Variants in XPNPEP1 observed in about 807,000 individuals in gnomAD.
The protein encoded by XPNPEP1 is X-prolyl aminopeptidase 1.
A neutral mutation model predicts 92.4 loss-of-function variants in XPNPEP1; 39 were observed. The ratio of observed to expected loss-of-function variants is 0.42; its 90% confidence interval spans 0.33 to 0.55. The LOEUF (loss-of-function observed/expected upper bound fraction) is 0.55, where lower values mean the gene tolerates loss of function less well. Among genes scored for constraint, XPNPEP1 ranks in the 20% least tolerant of loss-of-function variants. XPNPEP1 has a pLI of 0.08. For missense variants in XPNPEP1, 654 were observed against 856.1 expected (o/e 0.76, Z 2.95); for synonymous variants, 307 against 299.4 (o/e 1.03, Z -0.26).
chr10:109,890,579 T>TGC (rs1848643535), intron 5 of XPNPEP1, among the ~76,000 whole-genome samples: 1 of 90,738 alleles, frequency 1.1e-5, no homozygotes, highest in African/African-American at 4.7e-5. Flanking sequence ...TGTGTGTGTG[T>TGC]GTGTGTGTGT....
chr10:109,887,491 G>A (rs761292689), intron 7 of XPNPEP1, among the ~76,000 whole-genome samples: 1 of 152,008 alleles, frequency 6.6e-6, no homozygotes, highest in Non-Finnish European at 1.5e-5. Flanking sequence ...ACAGCAAGAC[G>A]CCCTCCCCTG....
At chr10:109,892,769 T>G (rs1041734417) in intron 4 of XPNPEP1, among the ~76,000 whole-genome samples, 12 of 152,176 alleles carry the variant, frequency 7.9e-5, no homozygotes, top group African/African-American at 2.9e-4. Flanking sequence ...TCAAAAACTT[T>G]TTAAAAATAA....
At chr10:109,877,644 A>G (rs1316894084) in intron 14 of XPNPEP1, 146 bp downstream of exon 14, 1 of 1,016,238 alleles carries the variant, frequency 9.8e-7, no homozygotes, top group African/African-American at 1.6e-5. Flanking sequence ...ATAAAATCTT[A>G]GAAGTCTTAT....
chr10:109,890,672 T>A (rs150319439), intron 5 of XPNPEP1, among the ~76,000 whole-genome samples: 115 of 151,646 alleles, frequency 7.6e-4, no homozygotes, highest in African/African-American at 2.6e-3. Flanking sequence ...ATCTGTAGCT[T>A]TGGTGTTTTT....
In XPNPEP1 at chr10:109,882,447, G is replaced by A. The variant is rs562244210; in HGVS notation, c.1026C>T (p.Ser342=). ...GGTCACCAACCTTGGGGATGGTCTC[G>A]CTCACAGCATAGCTGGCCTTGTCAC... The part of the protein sequence containing the change: ...WVSDKASYAV[S]ETIPKDHRCC... Residue 342 remains serine (S), a synonymous_variant, in exon 10 of 21, where the codon AGC becomes AGT. Transcript: ENST00000502935. The A allele has an allele frequency of 2.2e-5, 36 of 1,613,256 alleles. No homozygotes were observed. Among genetic ancestry groups the A allele is most frequent in the South Asian group, 6.6e-5 (6 of 91,050 alleles).
intron 2 of XPNPEP1, among the ~76,000 whole-genome samples, chr10:109,911,102 T>C (rs1375038960): frequency 6.6e-6 from 1 of 152,234 alleles, no homozygotes; most frequent in Non-Finnish European, 1.5e-5. Context: ...CTAGAAAAAG[T>C]GCCCCACTTA....
At position 109,915,097 on chromosome 10, in the gene XPNPEP1, A is replaced by G. The variant is rs1335100935; in HGVS notation, c.35T>C (p.Val12Ala). ...TCTCAGTTGAAAATCCTGGTGATTC[A>G]CCCTTAAGGAGAGAAAGAACAGGAA... is the stretch of plus-strand genomic sequence containing the variant. ...AASRKPPRVR[V>A]NHQDFQLRNL... Residue 12 changes from valine (V) to alanine (A), a missense_variant and splice_region_variant, in exon 2 of 21, where the codon GTG (valine) becomes GCG (alanine). Physicochemically the swap from Val to Ala is moderately conservative, Grantham distance 64. Coordinates refer to ENST00000502935, the MANE Select transcript of XPNPEP1 (RefSeq NM_020383.4). 20 of 1,516,680 alleles carry G rather than the reference A, an allele frequency of 1.3e-5. No homozygotes were observed. Among genetic ancestry groups the G allele is most frequent in the Non-Finnish European group, 1.8e-5 (20 of 1,134,864 alleles). The allele number at this position is 1,516,680 out of a possible 1,614,324, so 94.0% of individuals were successfully genotyped here.
chr10:109,899,540 AC>A (rs1849169732), intron 3 of XPNPEP1, among the ~76,000 whole-genome samples: 1 of 152,264 alleles, frequency 6.6e-6, no homozygotes, highest in African/African-American at 2.4e-5. Flanking sequence ...ATGTGTTACC[AC>A]AGCTAGCATT....
At chr10:109,874,401 C>A (rs1027720646) in intron 15 of XPNPEP1, among the ~76,000 whole-genome samples, 3 of 152,178 alleles carry the variant, frequency 2.0e-5, no homozygotes, top group African/African-American at 7.2e-5. Flanking sequence ...CTAAAAATAT[C>A]CAAGTACATA....
intron 19 of XPNPEP1, 61 bp downstream of exon 19, chr10:109,869,892 G>A: frequency 1.3e-6 from 2 of 1,538,680 alleles, no homozygotes; most frequent in South Asian, 2.3e-5. Flanking sequence ...AGCCAATGAG[G>A]TCTATCCGAG....
intron 6 of XPNPEP1, 137 bp from the exon 7 acceptor site, chr10:109,888,329 T>C: frequency 7.5e-7 from 1 of 1,336,834 alleles, no homozygotes; most frequent in Non-Finnish European, 1.0e-6. Context: ...GATGAGGAAC[T>C]GTAAAAGCAC....
chr10:109,881,996 T>C (rs1848126226), intron 10 of XPNPEP1, among the ~76,000 whole-genome samples: 1 of 152,208 alleles, frequency 6.6e-6, no homozygotes, highest in South Asian at 2.1e-4. Flanking sequence ...CAAGCATTCT[T>C]ATACCACCTG....
At chr10:109,885,135 T>C (rs928680183) in intron 8 of XPNPEP1, among the ~76,000 whole-genome samples, 1 of 152,186 alleles carries the variant, frequency 6.6e-6, no homozygotes, top group Non-Finnish European at 1.5e-5. Flanking sequence ...CATGGATTCA[T>C]GAACCAAGAT....
intron 2 of XPNPEP1, 57 bp downstream of exon 2, chr10:109,914,954 G>A (rs1385994161): frequency 2.6e-6 from 3 of 1,156,650 alleles, no homozygotes; most frequent in Admixed American, 2.3e-5. Flanking sequence ...TGGGGTTGGG[G>A]TGGAGATCTA....
chr10:109,868,339 A>G (rs1236759096), intron 20 of XPNPEP1, among the ~76,000 whole-genome samples: 1 of 151,800 alleles, frequency 6.6e-6, no homozygotes, highest in Non-Finnish European at 1.5e-5. Flanking sequence ...CAGCCAAACA[A>G]TGGCATACGA....
chr10:109,882,017 AC>A (rs1278774022), intron 10 of XPNPEP1, among the ~76,000 whole-genome samples: 6 of 152,182 alleles, frequency 3.9e-5, no homozygotes, highest in Admixed American at 3.9e-4. Flanking sequence ...CACAGCTTTT[AC>A]CCTAGCTTCT....
In XPNPEP1 at chr10:109,923,344, G is replaced by T. The variant is rs1168780495; in HGVS notation, c.32+58C>A. 3 of 1,392,280 alleles carry T rather than the reference G, an allele frequency of 2.2e-6. No homozygotes were observed. In the East Asian group the frequency reaches 1.0e-4, roughly 47 times the overall value. 86.2% of individuals were successfully genotyped at this position (1,392,280 alleles called of 1,614,324 possible). ...TGCCCGCCGAGGTGCAACACGCGCG[G>T]CCGCGCAGCGAGGGCTGCACGCTGC... On this transcript the variant is annotated intron_variant, in intron 1 of 20. Coordinates refer to ENST00000502935, the MANE Select transcript of XPNPEP1 (RefSeq NM_020383.4).
chr10:109,887,932 C>A, intron 7 of XPNPEP1, 117 bp downstream of exon 7: 2 of 1,442,188 alleles, frequency 1.4e-6, no homozygotes, highest in African/African-American at 1.4e-5. Flanking sequence ...CAGAGTAGGG[C>A]AAAATCCTCC....
At chr10:109,866,919 CG>C (rs1405038696) in intron 20 of XPNPEP1, among the ~76,000 whole-genome samples, 1 of 152,168 alleles carries the variant, frequency 6.6e-6, no homozygotes, top group African/African-American at 2.4e-5. Flanking sequence ...TCCAATGTCA[CG>C]GGAGTAGACT....
Sources: gnomAD v4.1 joint callset for allele counts (sites outside exome capture counted in the v4.1 genomes callset) on GRCh38, gnomAD v4.1.1 for gene constraint, MANE v1.5 for transcripts, NCBI Gene and HGNC (gene_info 2026-07-23, HGNC 2026-07-21) for gene names.